The following UBTD2 variants were observed in gnomAD, a reference collection of about 807,000 sequenced individuals.
UBTD2 encodes the protein ubiquitin domain-containing protein 2.
UBTD2 carries 9 observed loss-of-function variants against 19.8 expected under a neutral mutation model. The observed-to-expected ratio is 0.46, with a 90% CI of 0.27 to 0.79. UBTD2 has a LOEUF of 0.79. Ranked by LOEUF, UBTD2 falls within the 30% of genes least tolerant of loss-of-function variation. The pLI is 0.14. For synonymous variants in UBTD2, 98 were observed against 103.9 expected (o/e 0.94, Z 0.35); for missense variants, 250 against 300.4 (o/e 0.83, Z 1.24).
intron 1 of UBTD2, among the ~76,000 whole-genome samples, chr5:172,237,817 A>G (rs1035200435): frequency 1.7e-4 from 26 of 152,394 alleles, no homozygotes; most frequent in African/African-American, 6.3e-4. Context: ...TGTTTGCTAA[A>G]TAAGTAAAAA....
intron 1 of UBTD2, among the ~76,000 whole-genome samples, chr5:172,243,127 C>CT (rs377346393): frequency 0.32 from 43,051 of 132,540 alleles, 6,745 homozygotes; most frequent in South Asian, 0.42. Context: ...CATGACTGGC[C>CT]TTTTTTTTTT....
chr5:172,229,316 C>T (rs528233004), intron 2 of UBTD2, among the ~76,000 whole-genome samples: 20 of 151,798 alleles, frequency 1.3e-4, no homozygotes, highest in East Asian at 5.8e-4. Flanking sequence ...CTGGCTAACA[C>T]GGTGAAACCC....
intron 2 of UBTD2, among the ~76,000 whole-genome samples, chr5:172,218,620 C>CA (rs898780075): frequency 4.0e-5 from 6 of 150,622 alleles, no homozygotes; most frequent in Non-Finnish European, 5.9e-5. Flanking sequence ...AATTTTTGCA[C>CA]AAAAAAATGC....
chr5:172,239,574 C>T (rs556390735), intron 1 of UBTD2, among the ~76,000 whole-genome samples: 1 of 151,986 alleles, frequency 6.6e-6, no homozygotes, highest in East Asian at 2.0e-4. Flanking sequence ...GCGCCTGCCA[C>T]CACGCCTAGC....
chr5:172,213,936 G>A (rs984740736), intron 2 of UBTD2, among the ~76,000 whole-genome samples: 1 of 152,086 alleles, frequency 6.6e-6, no homozygotes, highest in East Asian at 1.9e-4. Context: ...ACAGGCATGC[G>A]CCACCACGTC....
intron 1 of UBTD2, among the ~76,000 whole-genome samples, chr5:172,263,714 G>A (rs1755317480): frequency 6.6e-6 from 1 of 152,060 alleles, no homozygotes; most frequent in Admixed American, 6.5e-5. Context: ...GAATGGCGTG[G>A]ACCCAGGAGG....
intron 1 of UBTD2, among the ~76,000 whole-genome samples, chr5:172,270,462 T>TC: frequency 6.7e-6 from 1 of 148,322 alleles, no homozygotes; most frequent in East Asian, 2.0e-4. Context: ...TTCAAGCAAT[T>TC]CCCCCGCCTC....
chr5:172,242,166 G>A (rs1313966397), intron 1 of UBTD2, among the ~76,000 whole-genome samples: 4 of 150,374 alleles, frequency 2.7e-5, no homozygotes, highest in African/African-American at 9.7e-5. Context: ...AGGAACAGAG[G>A]CCAGTGCCAT....
intron 1 of UBTD2, among the ~76,000 whole-genome samples, chr5:172,278,083 A>G (rs1409492907): frequency 6.6e-6 from 1 of 152,198 alleles, no homozygotes; most frequent in Non-Finnish European, 1.5e-5. Context: ...GCTGGTAAGA[A>G]TAAGTGGTAG....
chr5:172,211,022 C>G lies in UBTD2; in HGVS notation c.*808G>C, dbSNP rs1333660375. 6.6e-6 allele frequency: 1 copy of G among 152,148 alleles called. No individual in the cohort carries two copies. Among genetic ancestry groups the G allele is most frequent in the African/African-American group, 2.4e-5 (1 of 41,432 alleles). The allele number at this position is 152,148 out of a possible 1,614,324, so 9.4% of individuals were successfully genotyped here. On this transcript the variant is annotated 3_prime_UTR_variant, in exon 3 of 3. Coordinates refer to ENST00000393792, the MANE Select transcript of UBTD2 (RefSeq NM_152277.3). Reference sequence around the variant, plus strand: ...CTTCTAAGCCTGGATATAAAAATGGCTTCGTTATACAGACCTTTCAAAATA... The same window carrying G: ...CTTCTAAGCCTGGATATAAAAATGGGTTCGTTATACAGACCTTTCAAAATA...
At chr5:172,268,358 T>C (rs964185584) in intron 1 of UBTD2, among the ~76,000 whole-genome samples, 9 of 151,978 alleles carry the variant, frequency 5.9e-5, no homozygotes, top group East Asian at 1.9e-4. Context: ...TACTGTAGCC[T>C]GGAAAATAGT....
intron 1 of UBTD2, among the ~76,000 whole-genome samples, chr5:172,281,013 A>C (rs763164192): frequency 3.3e-5 from 5 of 152,198 alleles, no homozygotes; most frequent in Admixed American, 6.5e-5. Flanking sequence ...ATATTTAGAA[A>C]GGGTCAAGCT....
intron 1 of UBTD2, among the ~76,000 whole-genome samples, chr5:172,251,465 C>CAAAAAAAAAAA (rs59810255): frequency 1.1e-5 from 1 of 91,958 alleles, no homozygotes; most frequent in Non-Finnish European, 2.2e-5. Context: ...TCAAACTGTC[C>CAAAAAAAAAAA]AAAAAAAAAA....
In UBTD2 at chr5:172,241,373, C is replaced by G. The variant is rs147770901; in HGVS notation, c.71-7015G>C. ...GCAGTGAGCTGAGATCATGCCATTG[C>G]ACTCCAGCTTGGGTGACAAGAATGA... On this transcript the variant is annotated intron_variant, in intron 1 of 2. Coordinates refer to ENST00000393792, the MANE Select transcript of UBTD2 (RefSeq NM_152277.3). Among the ~76,000 whole-genome samples, 436 of 147,998 alleles carry G rather than the reference C, an allele frequency of 2.9e-3. 6 individuals are homozygous for G. The highest frequency in any genetic ancestry group is 0.01 in the African/African-American group (413 of 39,950).
chr5:172,272,185 G>A (rs1299854475), intron 1 of UBTD2, among the ~76,000 whole-genome samples: 6 of 152,166 alleles, frequency 3.9e-5, no homozygotes, highest in Non-Finnish European at 5.9e-5. Context: ...GTATTTAACC[G>A]CTCAGCTCAA....
chr5:172,229,412 A>G (rs1255962399), intron 2 of UBTD2, among the ~76,000 whole-genome samples: 2 of 149,240 alleles, frequency 1.3e-5, no homozygotes, highest in Non-Finnish European at 3.0e-5. Flanking sequence ...GAGGCAGGAG[A>G]ATGGCGTGAA....
chr5:172,263,859 G>T (rs1299033830), intron 1 of UBTD2, among the ~76,000 whole-genome samples: 1 of 151,414 alleles, frequency 6.6e-6, no homozygotes, highest in Admixed American at 6.6e-5. Flanking sequence ...CTCTGTGTGT[G>T]TGTGTGTGTG....
chr5:172,275,203 G>A (rs1755583131), intron 1 of UBTD2, among the ~76,000 whole-genome samples: 4 of 152,140 alleles, frequency 2.6e-5, no homozygotes, highest in African/African-American at 7.2e-5. Context: ...GAGCAAAAGC[G>A]GGGAAAGCCC....
At chr5:172,247,614 G>A (rs1486810075) in intron 1 of UBTD2, among the ~76,000 whole-genome samples, 1 of 151,614 alleles carries the variant, frequency 6.6e-6, no homozygotes. Context: ...AAGATAAAAA[G>A]AGATGTTTTA....
Sources: allele counts gnomAD v4.1 joint callset (sites outside exome capture counted in the v4.1 genomes callset), GRCh38; gene constraint gnomAD v4.1.1; transcripts MANE v1.5; gene names NCBI Gene and HGNC (gene_info 2026-07-23, HGNC 2026-07-21).